ANKAR: variants seen among roughly 807,000 people sequenced by gnomAD.
ANKAR encodes the protein ankyrin and armadillo repeat containing, also known as ankyrin and armadillo repeat-containing protein.
Under a neutral mutation model 146.2 loss-of-function variants are expected in ANKAR, and 136 were observed. The observed-to-expected ratio is 0.93, with a 90% CI of 0.81 to 1.07. The LOEUF is 1.07. Ranked by LOEUF, ANKAR falls within the 50% of genes least tolerant of loss-of-function variation. The pLI, the probability that ANKAR is intolerant of heterozygous loss-of-function variation, is 0.00. For synonymous variants in ANKAR, 500 were observed against 575.8 expected, an observed-to-expected ratio of 0.87 and a Z score of 1.88; for missense variants, 1,567 against 1,679.9, an observed-to-expected ratio of 0.93 and a Z score of 1.18.
chr2:189,687,555 C>T (rs1042507010), intron 2 of ANKAR, among the ~76,000 whole-genome samples: 2 of 152,138 alleles, frequency 1.3e-5, no homozygotes, highest in Admixed American at 6.6e-5. Context: ...TCCATAGTGG[C>T]TGTACTAGTT....
downstream of ANKAR, among the ~76,000 whole-genome samples, chr2:189,747,582 C>G (rs1898559): frequency 0.018 from 2,779 of 152,206 alleles, 95 homozygotes; most frequent in African/African-American, 0.064. Context: ...TGGCTTAGAA[C>G]CATATGATGT....
chr2:189,693,071 T>C lies in ANKAR; in HGVS notation c.1204-3T>C, dbSNP rs1219645355. The C allele has an allele frequency of 7.0e-7, 1 of 1,429,794 alleles. No individual in the cohort carries two copies. Among genetic ancestry groups the C allele is most frequent in the Non-Finnish European group, 9.6e-7 (1 of 1,041,068 alleles). The allele number at this position is 1,429,794 out of a possible 1,614,324, so 88.6% of individuals were successfully genotyped here. On this transcript the variant is annotated splice_region_variant and splice_polypyrimidine_tract_variant and intron_variant, in intron 4 of 22. Coordinates refer to ENST00000684021, the MANE Select transcript of ANKAR (RefSeq NM_001378068.1). ...GTCTTTAGTAACATAACTCATATTTTAGAAAAATTTAGAAAAAATACGAGA... is the reference window on the plus strand; with the variant it reads ...GTCTTTAGTAACATAACTCATATTTCAGAAAAATTTAGAAAAAATACGAGA...
At chr2:189,744,319 T>C (rs76684850) in intron 21 of ANKAR, among the ~76,000 whole-genome samples, 24 of 152,362 alleles carry the variant, frequency 1.6e-4, no homozygotes, top group African/African-American at 5.5e-4. Flanking sequence ...TGTAACATTA[T>C]AATTGATAAT....
chr2:189,728,612 G>A (rs745379682), intron 14 of ANKAR, 48 bp from the exon 15 acceptor site: 12 of 1,591,586 alleles, frequency 7.5e-6, no homozygotes, highest in Non-Finnish European at 1.0e-5. Context: ...GCATAATGTA[G>A]AACAGGGCAC....
chr2:189,743,042 C>T (rs1466113322), intron 20 of ANKAR, among the ~76,000 whole-genome samples: 1 of 148,660 alleles, frequency 6.7e-6, no homozygotes, highest in African/African-American at 2.5e-5. Context: ...CCAGGTGGTT[C>T]TAAAATGCAG....
At chr2:189,716,706 T>G (rs2040512581) in intron 10 of ANKAR, among the ~76,000 whole-genome samples, 1 of 152,132 alleles carries the variant, frequency 6.6e-6, no homozygotes. Context: ...AAAGCTACAG[T>G]AACCAAAACA....
chr2:189,711,217 G>C, intron 10 of ANKAR, 64 bp downstream of exon 10: 1 of 1,214,088 alleles, frequency 8.2e-7, no homozygotes, highest in African/African-American at 1.6e-5. Context: ...TTATTCATCA[G>C]TCATTTTTAA....
In ANKAR at chr2:189,696,228, A is replaced by G; in HGVS notation, c.1567A>G (p.Ser523Gly). 1 of 1,614,142 alleles carries G rather than the reference A, an allele frequency of 6.2e-7. No homozygotes were observed. Among genetic ancestry groups the G allele is most frequent in the South Asian group, 1.1e-5 (1 of 91,084 alleles). The change falls in exon 7 of 23, where the codon AGC becomes GGC. Residue 523 changes from serine (S) to glycine (G), a missense_variant. Physicochemically the swap from Ser to Gly is moderately conservative, Grantham distance 56 (BLOSUM62 0). Coordinates refer to ENST00000684021, the MANE Select transcript of ANKAR (RefSeq NM_001378068.1). ...CCACACATTTAGCCGTAAAACCTCAAGCTCAACAATCAATGTTTCAGATGA... is the reference window on the plus strand; with the variant it reads ...CCACACATTTAGCCGTAAAACCTCAGGCTCAACAATCAATGTTTCAGATGA... ...VFHTFSRKTS[S>G]STINVSDEAG...
chr2:189,719,958 G>T, intron 11 of ANKAR, 145 bp downstream of exon 11: 2 of 934,986 alleles, frequency 2.1e-6, no homozygotes, highest in Non-Finnish European at 3.0e-6. Flanking sequence ...GGTGCCTGAT[G>T]AAAACTCCAC....
In ANKAR at chr2:189,689,951, T is replaced by G; in HGVS notation, c.1026T>G (p.Leu342=). The G allele has an allele frequency of 6.7e-7, 1 of 1,503,474 alleles. No homozygotes were observed. The highest frequency in any genetic ancestry group is 8.8e-7 in the Non-Finnish European group (1 of 1,132,682). The allele number at this position is 1,503,474 out of a possible 1,614,324, so 93.1% of individuals were successfully genotyped here. A position where few individuals can be genotyped will look rare whatever the true frequency, so the allele number is the denominator to read the frequency against. The change falls in exon 3 of 23, where the codon CTT becomes CTG. Residue 342 remains leucine (L), a synonymous_variant. Transcript: ENST00000684021. ...AAGTTCCATATTTAAGTAGTCTGCTTCAGCCTTTTTCAGGTAAGAGTATCA... is the reference window on the plus strand; with the variant it reads ...AAGTTCCATATTTAAGTAGTCTGCTGCAGCCTTTTTCAGGTAAGAGTATCA... ...KMKVPYLSSL[L]QPFSDDKVKT...
In ANKAR at chr2:189,752,900, A is replaced by G. The variant is rs373078010; in HGVS notation, c.*584+8112A>G. 6.9e-5 allele frequency: 112 copies of G among 1,613,840 alleles called. No individual in the cohort carries two copies. The highest frequency in any genetic ancestry group is 9.2e-5 in the Non-Finnish European group (109 of 1,179,866). On this transcript the variant is annotated intron_variant and NMD_transcript_variant, in intron 18 of 18. Transcript: ENST00000441800. ...GCATAGTCTGGGAGGAGGACACAAC[A>G]AAGTGCACTGTGTTGCATTTGTTAA... is the stretch of plus-strand genomic sequence containing the variant.
intron 7 of ANKAR, among the ~76,000 whole-genome samples, chr2:189,699,559 A>G (rs1203745114): frequency 6.6e-6 from 1 of 152,218 alleles, no homozygotes; most frequent in Non-Finnish European, 1.5e-5. Flanking sequence ...ACTTGTGCAT[A>G]AGCATATATA....
chr2:189,683,122 A>C (rs555644353), intron 2 of ANKAR, among the ~76,000 whole-genome samples: 14 of 152,292 alleles, frequency 9.2e-5, no homozygotes, highest in African/African-American at 3.4e-4. Flanking sequence ...TGAACCAGGG[A>C]ATGGGTCCTC....
In ANKAR at chr2:189,692,451, T is replaced by C. The variant is rs776802798; in HGVS notation, c.1203+33T>C. 5.1e-6 allele frequency: 8 copies of C among 1,578,512 alleles called. No individual in the cohort carries two copies. The South Asian group carries it at 8.3e-5, about 16-fold the overall frequency. On this transcript the variant is annotated intron_variant, in intron 4 of 22. Coordinates refer to ENST00000684021, the MANE Select transcript of ANKAR (RefSeq NM_001378068.1). Reference sequence around the variant, plus strand: ...TGATCATTCCTTAGACAATTTATCATTTCACAACTCTTTTATCCTATTCTC... The same window carrying C: ...TGATCATTCCTTAGACAATTTATCACTTCACAACTCTTTTATCCTATTCTC...
intron 16 of ANKAR, among the ~76,000 whole-genome samples, chr2:189,732,816 T>A (rs2042540679): frequency 6.6e-6 from 1 of 152,072 alleles, no homozygotes; most frequent in African/African-American, 2.4e-5. Flanking sequence ...GTACTTAGGA[T>A]AATACCTCCT....
chr2:189,743,604 T>C (rs2043670725), intron 21 of ANKAR, 130 bp downstream of exon 21: 1 of 880,128 alleles, frequency 1.1e-6, no homozygotes, highest in Admixed American at 2.9e-5. Flanking sequence ...GAGGATAAAC[T>C]TTATTCTAAA....
intron 7 of ANKAR, among the ~76,000 whole-genome samples, chr2:189,703,157 T>C (rs1428810528): frequency 6.6e-6 from 1 of 152,200 alleles, no homozygotes; most frequent in Non-Finnish European, 1.5e-5. Flanking sequence ...TCAAGTTAAG[T>C]TGGAGCCAGT....
At position 189,745,163 on chromosome 2, in the gene ANKAR, C is replaced by T. The variant is rs191352716; in HGVS notation, c.4057+375C>T. Among the ~76,000 whole-genome samples the T allele has an allele frequency of 1.9e-3, 283 of 152,026 alleles. 9 individuals carry two copies. Among genetic ancestry groups the T allele is most frequent in the Admixed American group, 0.018 (281 of 15,250 alleles). ...CTGAGATCGCACCACTGCACTCTGGCCTGGGTGACAGAGTGAGACTCTGTC... is the reference window on the plus strand; with the variant it reads ...CTGAGATCGCACCACTGCACTCTGGTCTGGGTGACAGAGTGAGACTCTGTC... On this transcript the variant is annotated intron_variant, in intron 22 of 22. Coordinates refer to ENST00000684021, the MANE Select transcript of ANKAR (RefSeq NM_001378068.1).
Position 189,692,373 on chromosome 2 carries a change from TGATATC to T in ANKAR, c.1159_1164del (p.Asp387_Ile388del), listed in dbSNP as rs1359054259. 4.3e-6 allele frequency: 7 copies of T among 1,613,116 alleles called. No individual in the cohort carries two copies. Among genetic ancestry groups the T allele is most frequent in the Non-Finnish European group, 5.1e-6 (6 of 1,179,754 alleles). On this transcript the variant is annotated inframe_deletion, in exon 4 of 23. Coordinates refer to ENST00000684021, the MANE Select transcript of ANKAR (RefSeq NM_001378068.1). The stretch of plus-strand genomic sequence containing the variant: ...TTCATGTTCATGGAGGAATTGAATT[TGATATC>T]AGCACCCCTTCAATTGAGAATGCCT...
Sources: gnomAD v4.1 joint callset for allele counts (sites outside exome capture counted in the v4.1 genomes callset) on GRCh38, gnomAD v4.1.1 for gene constraint, MANE v1.5 for transcripts, NCBI Gene and HGNC (gene_info 2026-07-23, HGNC 2026-07-21) for gene names.